Variants in MYH6 observed in about 807,000 individuals in gnomAD.
The protein encoded by MYH6 is myosin-6.
A neutral mutation model predicts 223.2 loss-of-function variants in MYH6; 126 were observed. The ratio of observed to expected loss-of-function variants is 0.56; its 90% confidence interval spans 0.49 to 0.65. MYH6 has a LOEUF of 0.65. Among genes scored for constraint, MYH6 ranks in the 30% least tolerant of loss-of-function variants. The pLI is 0.00. For missense variants in MYH6, 2,040 were observed against 2,536.4 expected, an observed-to-expected ratio of 0.80 and a Z score of 4.20; for synonymous variants, 978 against 1,010.2, an observed-to-expected ratio of 0.97 and a Z score of 0.61.
chr14:23,385,120 T>C, intron 34 of MYH6, 79 bp from the exon 35 acceptor site: 1 of 1,585,398 alleles, frequency 6.3e-7, no homozygotes, highest in South Asian at 1.1e-5. Context: ...CCAGAAAGAA[T>C]TAAAGGTGGT....
At chr14:23,385,132 ATT>A in intron 34 of MYH6, 91 bp from the exon 35 acceptor site, 1 of 1,427,648 alleles carries the variant, frequency 7.0e-7, no homozygotes, top group Non-Finnish European at 9.6e-7. Flanking sequence ...AAAGGTGGTC[ATT>A]TTTTTTTTAA....
intron 14 of MYH6, 79 bp downstream of exon 14, chr14:23,400,177 T>C (rs552462964): frequency 1.9e-6 from 3 of 1,606,622 alleles, no homozygotes; most frequent in Non-Finnish European, 2.6e-6. Flanking sequence ...CTCTAGTTTC[T>C]TGGGTGTAGA....
At position 23,407,649 on chromosome 14, in the gene MYH6, G is replaced by C; in HGVS notation, c.-46-41C>G. On this transcript the variant is annotated intron_variant, in intron 1 of 38. Transcript: ENST00000405093. The surrounding 1 kb of genome is among the most constrained non-coding windows in gnomAD (Gnocchi z 5.6). ...AGCAAGGAACAACAGAGGTAGAGCC[G>C]GGCAGAGAGAAGAACAGATGAGGAG... The C allele has an allele frequency of 7.2e-6, 8 of 1,108,360 alleles. No individual in the cohort carries two copies. In the South Asian group the frequency reaches 1.2e-4, roughly 17 times the overall value. 68.7% of individuals were successfully genotyped at this position (1,108,360 alleles called of 1,614,324 possible).
At chr14:23,387,953 C>G in intron 30 of MYH6, 30 bp from the exon 31 acceptor site, 1 of 1,611,994 alleles carries the variant, frequency 6.2e-7, no homozygotes, top group Non-Finnish European at 8.5e-7. Context: ...ACTCTTCAGC[C>G]CCCCAGCCTT....
At position 23,388,314 on chromosome 14, in the gene MYH6, C is replaced by G; in HGVS notation, c.4200G>C (p.Gln1400His). The change falls in exon 30 of 39, where the codon CAG becomes CAC. Residue 1400 changes from glutamine (Q) to histidine (H), a missense_variant. Gln to His is a conservative substitution (Grantham distance 24). Around this residue, in one of 4 missense-constraint regions of MYH6, gnomAD observed 1,203 missense variants for 1,400.2 expected, o/e 0.86. Transcript: ENST00000405093. The part of the protein sequence containing the change: ...EAKKKLAQRL[Q>H]DAEEAVEAVN... ...CAGCCTCCACGGCCTCCTCGGCATCCTGCAGCCGCTGGGCCAGCTTCTTTC... is the reference window on the plus strand; with the variant it reads ...CAGCCTCCACGGCCTCCTCGGCATCGTGCAGCCGCTGGGCCAGCTTCTTTC... 6.2e-7 allele frequency: 1 copy of G among 1,613,334 alleles called. No individual in the cohort carries two copies. The highest frequency in any genetic ancestry group is 2.2e-5 in the East Asian group (1 of 44,882).
chr14:23,382,546 G>A lies in MYH6; in HGVS notation c.5678C>T (p.Thr1893Ile). The A allele has an allele frequency of 6.2e-7, 1 of 1,614,188 alleles. No homozygotes were observed. Among genetic ancestry groups the A allele is most frequent in the Non-Finnish European group, 8.5e-7 (1 of 1,180,022 alleles). The change falls in exon 38 of 39, where the codon ACC (threonine) becomes ATC (isoleucine). Residue 1893 changes from threonine to isoleucine, a missense_variant. Physicochemically the swap from Thr to Ile is moderately conservative, Grantham distance 89 (BLOSUM62 -1). Coordinates refer to ENST00000405093, the MANE Select transcript of MYH6 (RefSeq NM_002471.4). ...CACCTTGCGGAACTTGGACAGGTTG[G>A]TGTTGGCTTGCTCCTCCTGTGGTGG... The part of the protein sequence containing the change: ...QAEEAEEQAN[T>I]NLSKFRKVQH...
chr14:23,382,504 T>G lies in MYH6; in HGVS notation c.5720A>C (p.Glu1907Ala). 2 of 1,614,154 alleles carry G rather than the reference T, an allele frequency of 1.2e-6. No homozygotes were observed. The highest frequency in any genetic ancestry group is 1.7e-6 in the Non-Finnish European group (2 of 1,180,020). The change falls in exon 38 of 39, where the codon GAG becomes GCG. Residue 1907 changes from glutamate (E) to alanine (A), a missense_variant. By Grantham distance (107) the Glu-to-Ala change is moderately radical. Transcript: ENST00000405093. ...AGCGATGTCCGCCCGCTCCTCTGCC[T>G]CATCCAGCTCATGCTGCACCTTGCG... Reference protein sequence around the residue: ...KFRKVQHELDEAEERADIAES... With the variant: ...KFRKVQHELDAAEERADIAES...
chr14:23,387,867 T>C lies in MYH6; in HGVS notation c.4416A>G (p.Ser1472=), dbSNP rs140800076. 3.4e-4 allele frequency: 553 copies of C among 1,614,088 alleles called. 1 individual carries two copies. In the African/African-American group the frequency reaches 6.4e-3, roughly 19 times the overall value. ...YEESQSELES[S]QKEARSLSTE... is the part of the protein sequence containing the mutation. ...TGCTGAGGGAGCGAGCCTCCTTCTG[T>C]GAGGACTCCAGCTCAGACTGCGACT... The change falls in exon 31 of 39, where the codon TCA becomes TCG. Residue 1472 remains serine, a synonymous_variant. Transcript: ENST00000405093.
rs756641650 is a variant in MYH6 at position 23,384,906 on chromosome 14, G to A, written c.5289+10C>T. On this transcript the variant is annotated intron_variant, in intron 35 of 38. Transcript: ENST00000405093. ...TCTTTAGGGGAGGCGGAAGGTGGGC[G>A]GTCACTTACATCCGTGATGGCCTTC... 8.1e-6 allele frequency: 13 copies of A among 1,613,712 alleles called. No individual in the cohort carries two copies. The highest frequency in any genetic ancestry group is 4.5e-5 in the East Asian group (2 of 44,898).
In MYH6 at chr14:23,389,062, A is replaced by AGGGGGGGTCTGGGGGGGGGGGG; in HGVS notation, c.3979-8_3979-7insCCCCCCCCCCCCAGACCCCCCC. On this transcript the variant is annotated splice_polypyrimidine_tract_variant and splice_region_variant and intron_variant, in intron 28 of 38. Transcript: ENST00000405093. ...GGGCCAGGGCGTTCTTCGCCTGGGG[A>AGGGGGGGTCTGGGGGGGGGGGG]GGGGGGGGGGCACCAGGAGGTGGGA... 8.5e-7 allele frequency: 1 copy of AGGGGGGGTCTGGGGGGGGGGGG among 1,175,172 alleles called. No homozygotes were observed. The allele number at this position is 1,175,172 out of a possible 1,614,324, so 72.8% of individuals were successfully genotyped here.
At chr14:23,397,145 A>C (rs1891423008) in intron 17 of MYH6, 25 bp downstream of exon 17, 2 of 1,614,210 alleles carry the variant, frequency 1.2e-6, no homozygotes, top group South Asian at 1.1e-5. Flanking sequence ...TGTCCTCCCC[A>C]GACTAAGGTC....
chr14:23,402,597 G>A lies in MYH6; in HGVS notation c.1008C>T (p.Ala336=), dbSNP rs761413240. 1.9e-6 allele frequency: 3 copies of A among 1,613,802 alleles called. No individual in the cohort carries two copies. Among genetic ancestry groups the A allele is most frequent in the Middle Eastern group, 1.6e-4 (1 of 6,062 alleles). ...DSEELMATDS[A]FDVLGFTSEE... is the part of the protein sequence containing the mutation. ...CTGAAGTGAAGCCCAGCACGTCAAAGGCACTCTGGGACAGAGCGAGAGACA... is the reference window on the plus strand; with the variant it reads ...CTGAAGTGAAGCCCAGCACGTCAAAAGCACTCTGGGACAGAGCGAGAGACA... Residue 336 remains alanine, a synonymous_variant, in exon 12 of 39, where the codon GCC becomes GCT. Transcript: ENST00000405093.
chr14:23,392,411 G>T (rs1891260007), intron 25 of MYH6, 151 bp downstream of exon 25: 2 of 760,400 alleles, frequency 2.6e-6, no homozygotes, highest in Non-Finnish European at 2.4e-6. Flanking sequence ...GGGAAGGCTA[G>T]TGTTCCTGAG....
At chr14:23,384,170 T>C (rs1890945063) in intron 36 of MYH6, among the ~76,000 whole-genome samples, 1 of 147,990 alleles carries the variant, frequency 6.8e-6, no homozygotes, top group Non-Finnish European at 1.5e-5. Flanking sequence ...GAAGTCTTCA[T>C]GGTAGCACTT....
intron 34 of MYH6, among the ~76,000 whole-genome samples, chr14:23,385,640 G>A (rs1038468159): frequency 4.6e-5 from 7 of 152,048 alleles, no homozygotes; most frequent in Admixed American, 2.0e-4. Context: ...AGAGCAAGCC[G>A]GAGGCTGTCT....
intron 12 of MYH6, 46 bp downstream of exon 12, chr14:23,402,418 G>T: frequency 1.2e-6 from 2 of 1,609,892 alleles, no homozygotes. Context: ...AGAGAGCCTG[G>T]TCAGCACCTC....
intron 16 of MYH6, 40 bp downstream of exon 16, chr14:23,397,503 C>G (rs181515347): frequency 4.5e-5 from 72 of 1,604,632 alleles, no homozygotes; most frequent in Non-Finnish European, 5.9e-5. Context: ...TGGGCTGGGC[C>G]ATTCCACCAG....
At chr14:23,397,281 G>T in intron 16 of MYH6, 24 bp from the exon 17 acceptor site, 1 of 1,606,670 alleles carries the variant, frequency 6.2e-7, no homozygotes, top group Non-Finnish European at 8.5e-7. Flanking sequence ...AAGGTGGGGA[G>T]TTAGGAGCCA....
At chr14:23,406,270 T>C (rs7148253) in intron 3 of MYH6, among the ~76,000 whole-genome samples, 30,432 of 152,224 alleles carry the variant, frequency 0.2, 4,825 homozygotes, top group African/African-American at 0.44. Flanking sequence ...CAGCAGTCAG[T>C]TTGCCATGCC....
Sources: gnomAD v4.1 joint callset for allele counts (sites outside exome capture counted in the v4.1 genomes callset) on GRCh38, gnomAD v4.1.1 for gene constraint, gnomAD v4.1.1 regional missense constraint, Gnocchi (gnomAD v3.1) non-coding constraint, MANE v1.5 for transcripts, NCBI Gene and HGNC (gene_info 2026-07-23, HGNC 2026-07-21) for gene names.